SUPT3H: variants seen among roughly 807,000 people sequenced by gnomAD.
SUPT3H encodes the protein transcription initiation protein SPT3 homolog.
Under a neutral mutation model 44.3 loss-of-function variants are expected in SUPT3H, and 44 were observed. The ratio of observed to expected loss-of-function variants is 0.99; its 90% CI spans 0.78 to 1.28. The LOEUF (loss-of-function observed/expected upper bound fraction) is 1.28. Ranked by LOEUF, SUPT3H falls within the 50% of genes most tolerant of loss-of-function variation. SUPT3H has a pLI of 0.00. For synonymous variants in SUPT3H, 124 were observed against 125.6 expected (o/e 0.99, Z 0.09); for missense variants, 380 against 387.1 (o/e 0.98, Z 0.15).
intron 10 of SUPT3H, among the ~76,000 whole-genome samples, chr6:44,909,128 TGTGTGTGTGTGTGC>T (rs1766591881): frequency 2.0e-5 from 2 of 102,268 alleles, no homozygotes; most frequent in Non-Finnish European, 4.0e-5. Flanking sequence ...CTAAGAGGTG[TGTGTGTGTGTGTGC>T]GTGTGTGTGT....
chr6:45,175,756 AG>A, intron 2 of SUPT3H, among the ~76,000 whole-genome samples: 1 of 152,346 alleles, frequency 6.6e-6, no homozygotes, highest in Non-Finnish European at 1.5e-5. Flanking sequence ...TGGAACCCAA[AG>A]TTTTATGAAA....
chr6:45,106,115 T>C (rs2153571371), intron 2 of SUPT3H, 109 bp from the exon 3 acceptor site: 1 of 941,420 alleles, frequency 1.1e-6, no homozygotes, highest in East Asian at 2.6e-5. Flanking sequence ...CATAAATTGT[T>C]TGCCCAAATG....
intron 3 of SUPT3H, among the ~76,000 whole-genome samples, chr6:45,101,448 T>G (rs1798560942): frequency 2.0e-5 from 3 of 152,028 alleles, no homozygotes; most frequent in Admixed American, 2.0e-4. Context: ...AACAAAAAGT[T>G]GATCTCATAA....
At chr6:45,296,176 TACAC>T (rs981968869) in intron 2 of SUPT3H, among the ~76,000 whole-genome samples, 26 of 89,524 alleles carry the variant, frequency 2.9e-4, no homozygotes, top group African/African-American at 6.2e-4. Context: ...CATATATACA[TACAC>T]ATACTACACA....
chr6:45,055,497 CAT>C (rs1394408560), intron 3 of SUPT3H, among the ~76,000 whole-genome samples: 1 of 152,076 alleles, frequency 6.6e-6, no homozygotes, highest in Admixed American at 6.6e-5. Context: ...CATGCAATAG[CAT>C]AGAGAGCCCA....
chr6:44,976,054 T>C (rs1247738347), intron 6 of SUPT3H, among the ~76,000 whole-genome samples: 1 of 152,204 alleles, frequency 6.6e-6, no homozygotes, highest in Admixed American at 6.5e-5. Flanking sequence ...GTTTCCTTTC[T>C]TGTAATTGGC....
intron 2 of SUPT3H, among the ~76,000 whole-genome samples, chr6:45,116,920 T>C (rs928417462): frequency 6.6e-6 from 1 of 152,140 alleles, no homozygotes; most frequent in African/African-American, 2.4e-5. Context: ...ACTAATCTAC[T>C]TGAAGAAACC....
chr6:44,888,717 G>A (rs1762760190), intron 10 of SUPT3H, among the ~76,000 whole-genome samples: 1 of 151,984 alleles, frequency 6.6e-6, no homozygotes, highest in African/African-American at 2.4e-5. Context: ...AGACAGGGAT[G>A]CCCTCTCTCA....
At position 45,078,811 on chromosome 6, in the gene SUPT3H, G is replaced by C. The variant is rs143685335; in HGVS notation, c.186+27111C>G. Among the ~76,000 whole-genome samples, 492 of 152,126 alleles carry C rather than the reference G, an allele frequency of 3.2e-3. 1 individual carries two copies. The highest frequency in any genetic ancestry group is 9.0e-3 in the Admixed American group (138 of 15,292). ...ACAAAGTTTATGTTGGTAAATATAC[G>C]GATAGTCTAATGGAAATTCCCTTAT... On this transcript the variant is annotated intron_variant, in intron 3 of 10. Coordinates refer to ENST00000371459, the MANE Select transcript of SUPT3H (RefSeq NM_003599.4).
chr6:45,340,615 C>T (rs1038541448), intron 2 of SUPT3H, among the ~76,000 whole-genome samples: 10 of 151,996 alleles, frequency 6.6e-5, no homozygotes, highest in East Asian at 1.9e-4. Context: ...TAAGCCACCG[C>T]ACCTGGCCTT....
intron 11 of SUPT3H, among the ~76,000 whole-genome samples, chr6:44,814,447 TCA>T (rs981905329): frequency 1.3e-5 from 2 of 152,030 alleles, no homozygotes; most frequent in African/African-American, 4.8e-5. Context: ...AACAGTCCCA[TCA>T]CACACACGGT....
intron 10 of SUPT3H, among the ~76,000 whole-genome samples, chr6:44,924,441 A>C (rs1328363677): frequency 6.6e-6 from 1 of 152,170 alleles, no homozygotes; most frequent in Admixed American, 6.5e-5. Flanking sequence ...TACAGACTTA[A>C]TACCTCTTGG....
Position 45,371,676 on chromosome 6 carries a change from C to T in SUPT3H, c.-1+6092G>A, listed in dbSNP as rs573426090. On this transcript the variant is annotated intron_variant, in intron 1 of 10. Coordinates refer to ENST00000371459, the MANE Select transcript of SUPT3H (RefSeq NM_003599.4). The stretch of plus-strand genomic sequence containing the variant: ...AGTTGTAAACATAGCAGTCAGGGGA[C>T]TTACATGGTCATTAAGTTATCTTGG... Among the ~76,000 whole-genome samples the T allele has an allele frequency of 1.1e-4, 17 of 152,258 alleles. No individual in the cohort carries two copies. In the South Asian group the frequency reaches 3.3e-3, roughly 30 times the overall value.
chr6:44,863,653 T>G (rs1487143002), intron 10 of SUPT3H, among the ~76,000 whole-genome samples: 1 of 151,892 alleles, frequency 6.6e-6, no homozygotes, highest in Non-Finnish European at 1.5e-5. Context: ...AAGAGATGAA[T>G]TAAGAGGTTG....
intron 10 of SUPT3H, among the ~76,000 whole-genome samples, chr6:44,864,906 TCCTCA>T (rs1775259692): frequency 2.6e-5 from 4 of 152,224 alleles, no homozygotes; most frequent in Non-Finnish European, 4.4e-5. Context: ...CTTGAATTTC[TCCTCA>T]TATAATGGGA....
chr6:45,067,159 CAT>C (rs897219780), intron 3 of SUPT3H, among the ~76,000 whole-genome samples: 2 of 141,308 alleles, frequency 1.4e-5, no homozygotes, highest in African/African-American at 5.2e-5. Flanking sequence ...AATAACGCCG[CAT>C]ATCTACAACT....
Position 44,961,779 on chromosome 6 carries a change from A to C in SUPT3H, c.554T>G (p.Phe185Cys). 1 of 1,606,598 alleles carries C rather than the reference A, an allele frequency of 6.2e-7. No homozygotes were observed. The highest frequency in any genetic ancestry group is 1.3e-5 in the African/African-American group (1 of 74,762). The part of the protein sequence containing the change: ...RIMDSAQYAE[F>C]CESRQLSFSK... ...GAAACTTAATTGTCGACTTTCACAG[A>C]ATTCTGCATATTGAGCTGAATCCAT... Residue 185 changes from phenylalanine to cysteine, a missense_variant, in exon 7 of 11, where the codon TTC (phenylalanine) becomes TGC (cysteine). Phe to Cys is a radical substitution (Grantham distance 205). Coordinates refer to ENST00000371459, the MANE Select transcript of SUPT3H (RefSeq NM_003599.4).
intron 10 of SUPT3H, among the ~76,000 whole-genome samples, chr6:44,864,433 A>G (rs1225483451): frequency 2.6e-5 from 4 of 152,286 alleles, no homozygotes; most frequent in South Asian, 4.1e-4. Flanking sequence ...CTCCAATCCC[A>G]TATTTCCCTT....
intron 2 of SUPT3H, among the ~76,000 whole-genome samples, chr6:45,296,003 A>T (rs1255407552): frequency 1.3e-5 from 2 of 152,076 alleles, no homozygotes; most frequent in Non-Finnish European, 2.9e-5. Flanking sequence ...AAAAAAAGTC[A>T]TAGGAAAAGA....
Sources: gnomAD v4.1 joint callset for allele counts (sites outside exome capture counted in the v4.1 genomes callset) on GRCh38, gnomAD v4.1.1 for gene constraint, MANE v1.5 for transcripts, NCBI Gene and HGNC (gene_info 2026-07-23, HGNC 2026-07-21) for gene names.